Variants in NKAIN2 observed in about 807,000 individuals in gnomAD.
NKAIN2 encodes sodium/potassium-transporting ATPase subunit beta-1-interacting protein 2.
In NKAIN2, 14 loss-of-function variants were observed where a neutral mutation model predicts 32.6. That is an observed-to-expected ratio of 0.43 (90% confidence interval 0.28 to 0.67). The LOEUF (loss-of-function observed/expected upper bound fraction) is 0.67, where lower values mean the gene tolerates loss of function less well. Among genes scored for constraint, NKAIN2 ranks in the 30% least tolerant of loss-of-function variants. The pLI is 0.17. For synonymous variants in NKAIN2, 80 were observed against 87.2 expected (o/e 0.92, Z 0.46); for missense variants, 198 against 258.3 (o/e 0.77, Z 1.60).
chr6:124,290,453 A>G (rs1464803364), intron 2 of NKAIN2, among the ~76,000 whole-genome samples: 1 of 151,452 alleles, frequency 6.6e-6, no homozygotes, highest in Non-Finnish European at 1.5e-5. Flanking sequence ...CTTCCTTTCC[A>G]TACTCTTCTC....
chr6:124,636,040 G>A (rs1304912048), intron 3 of NKAIN2, among the ~76,000 whole-genome samples: 7 of 151,882 alleles, frequency 4.6e-5, no homozygotes, highest in Admixed American at 4.6e-4. Context: ...CATATGTTGG[G>A]CCACGAAACA....
intron 1 of NKAIN2, among the ~76,000 whole-genome samples, chr6:123,997,301 G>A (rs184382842): frequency 1.3e-5 from 2 of 152,246 alleles, no homozygotes; most frequent in East Asian, 3.9e-4. Flanking sequence ...TGGCCAACTA[G>A]CCTATAAAAC....
At chr6:124,806,469 A>G (rs1780568340) in intron 5 of NKAIN2, among the ~76,000 whole-genome samples, 1 of 151,998 alleles carries the variant, frequency 6.6e-6, no homozygotes, top group South Asian at 2.1e-4. Context: ...AGGCCTGCCT[A>G]AAAGAGCTCC....
chr6:124,085,541 G>A (rs1784156839), intron 1 of NKAIN2, among the ~76,000 whole-genome samples: 1 of 151,818 alleles, frequency 6.6e-6, no homozygotes, highest in South Asian at 2.1e-4. Context: ...GTCTTGGTGA[G>A]TGGAACACTT....
At chr6:124,392,040 C>T (rs901923862) in intron 3 of NKAIN2, among the ~76,000 whole-genome samples, 1 of 152,146 alleles carries the variant, frequency 6.6e-6, no homozygotes, top group Non-Finnish European at 1.5e-5. Context: ...CTTCTTTATA[C>T]AGGCAGAACT....
At chr6:124,490,969 A>T (rs1293456230) in intron 3 of NKAIN2, among the ~76,000 whole-genome samples, 1 of 151,832 alleles carries the variant, frequency 6.6e-6, no homozygotes, top group Non-Finnish European at 1.5e-5. Flanking sequence ...AAGCAACATT[A>T]TTTTCTGTTG....
intron 1 of NKAIN2, among the ~76,000 whole-genome samples, chr6:123,932,581 T>C (rs1386042369): frequency 2.0e-5 from 3 of 151,906 alleles, no homozygotes; most frequent in Non-Finnish European, 4.4e-5. Flanking sequence ...CCTGCCCGGC[T>C]AATTTTTTCT....
rs1229822587 is a variant in NKAIN2, at chr6:124,418,026, T to G, written c.273+62679T>G. ...ACAAGGTAGTTAATTGCTTGCTTATTATGACCCAGGTTTGCATATACAATA... is the reference window on the plus strand; with the variant it reads ...ACAAGGTAGTTAATTGCTTGCTTATGATGACCCAGGTTTGCATATACAATA... On this transcript the variant is annotated intron_variant, in intron 3 of 6. Transcript: ENST00000368417. Among the ~76,000 whole-genome samples, 3 of 152,208 alleles carry G rather than the reference T, an allele frequency of 2.0e-5. No individual in the cohort carries two copies. In the East Asian group the frequency reaches 5.8e-4, roughly 29 times the overall value.
intron 3 of NKAIN2, among the ~76,000 whole-genome samples, chr6:124,536,508 G>C (rs1421369536): frequency 6.6e-6 from 1 of 152,022 alleles, no homozygotes; most frequent in Non-Finnish European, 1.5e-5. Flanking sequence ...CCCCTTCCAA[G>C]CAGGGCAATC....
intron 1 of NKAIN2, among the ~76,000 whole-genome samples, chr6:123,849,495 G>A (rs1039471201): frequency 4.6e-5 from 7 of 152,132 alleles, no homozygotes; most frequent in African/African-American, 1.7e-4. Flanking sequence ...GAAGCCAGGG[G>A]GATAGAGTCT....
At chr6:124,731,336 A>G (rs1262808274) in intron 4 of NKAIN2, among the ~76,000 whole-genome samples, 2 of 151,804 alleles carry the variant, frequency 1.3e-5, no homozygotes, top group Non-Finnish European at 2.9e-5. Context: ...GATAGACTGG[A>G]TTAAGAAAAT....
intron 1 of NKAIN2, among the ~76,000 whole-genome samples, chr6:123,978,238 A>T (rs1778730747): frequency 6.6e-6 from 1 of 152,192 alleles, no homozygotes; most frequent in African/African-American, 2.4e-5. Context: ...AGATAAAAAA[A>T]GTGAGACGTC....
At chr6:124,093,351 A>C (rs9491065) in intron 1 of NKAIN2, among the ~76,000 whole-genome samples, 3,058 of 152,162 alleles carry the variant, frequency 0.02, 97 homozygotes, top group African/African-American at 0.071. Flanking sequence ...CCAAAGCCGC[A>C]CTACCTAGTT....
At chr6:124,703,950 G>GA (rs570628277) in intron 4 of NKAIN2, among the ~76,000 whole-genome samples, 38 of 149,926 alleles carry the variant, frequency 2.5e-4, no homozygotes, top group African/African-American at 8.5e-4. Context: ...TATGTCTCTA[G>GA]AAAAAAAAAT....
chr6:124,409,917 C>A (rs569244806), intron 3 of NKAIN2, among the ~76,000 whole-genome samples: 45 of 152,216 alleles, frequency 3.0e-4, no homozygotes, highest in Non-Finnish European at 5.3e-4. Context: ...CTAGTTTAGT[C>A]TTGGGAGGGT....
At chr6:124,437,156 AT>A (rs1471156932) in intron 3 of NKAIN2, among the ~76,000 whole-genome samples, 3 of 152,262 alleles carry the variant, frequency 2.0e-5, no homozygotes, top group Non-Finnish European at 4.4e-5. Flanking sequence ...GCTCTGCTGT[AT>A]TTTTTTCCAT....
At chr6:124,612,248 A>G (rs982193858) in intron 3 of NKAIN2, among the ~76,000 whole-genome samples, 3 of 150,650 alleles carry the variant, frequency 2.0e-5, no homozygotes, top group African/African-American at 7.3e-5. Context: ...TGCTAGGGGG[A>G]AAAAAAAATA....
At chr6:124,649,439 T>C (rs939014565) in intron 3 of NKAIN2, among the ~76,000 whole-genome samples, 4 of 152,130 alleles carry the variant, frequency 2.6e-5, no homozygotes, top group South Asian at 2.1e-4. Flanking sequence ...TTGAATAGGC[T>C]TTTATCTATT....
intron 3 of NKAIN2, among the ~76,000 whole-genome samples, chr6:124,444,980 TA>T (rs564980228): frequency 4.4e-4 from 66 of 151,720 alleles, no homozygotes; most frequent in African/African-American, 1.5e-3. Context: ...AAGGAATTGT[TA>T]AAAAAAACAA....
Sources: gnomAD v4.1 joint callset for allele counts (sites outside exome capture counted in the v4.1 genomes callset) on GRCh38, gnomAD v4.1.1 for gene constraint, MANE v1.5 for transcripts, NCBI Gene and HGNC (gene_info 2026-07-23, HGNC 2026-07-21) for gene names.